The following INTS6 variants were observed in gnomAD, a reference collection of about 807,000 sequenced individuals.
INTS6 encodes integrator complex subunit 6.
INTS6 carries 16 observed loss-of-function variants against 104.9 expected under a neutral mutation model. The ratio of observed to expected loss-of-function variants is 0.15; its 90% CI spans 0.10 to 0.23. The LOEUF (loss-of-function observed/expected upper bound fraction) is 0.23, where lower values mean the gene tolerates loss of function less well. Ranked by LOEUF, INTS6 falls within the 10% of genes least tolerant of loss-of-function variation. INTS6 has a pLI of 1.00. For synonymous variants in INTS6, 324 were observed against 358.7 expected, an observed-to-expected ratio of 0.90 and a Z score of 1.09; for missense variants, 584 against 1,062.8, an observed-to-expected ratio of 0.55 and a Z score of 6.26.
At chr13:51,353,201 T>A (rs1454972935), downstream of INTS6, among the ~76,000 whole-genome samples, 3 of 152,108 alleles carry the variant, frequency 2.0e-5, no homozygotes, top group Non-Finnish European at 4.4e-5. Context: ...TTTACTGATG[T>A]TTTTAGTTTA....
At chr13:51,389,959 T>C (rs1288691721) in intron 5 of INTS6, among the ~76,000 whole-genome samples, 15 of 152,140 alleles carry the variant, frequency 9.9e-5, no homozygotes, top group Admixed American at 9.8e-4. Flanking sequence ...ATTTTAAATA[T>C]TTGCATTTTA....
chr13:51,414,731 T>A (rs1351902094), intron 4 of INTS6, among the ~76,000 whole-genome samples: 5 of 152,050 alleles, frequency 3.3e-5, no homozygotes, highest in Non-Finnish European at 7.4e-5. Flanking sequence ...GTCCTATTCA[T>A]AACATAACAG....
chr13:51,379,215 T>A (rs554568471), intron 11 of INTS6, among the ~76,000 whole-genome samples: 8 of 151,976 alleles, frequency 5.3e-5, no homozygotes, highest in African/African-American at 1.9e-4. Flanking sequence ...ATATAGCAAG[T>A]CTAGGACCAC....
rs564623333 is a variant in INTS6, at chr13:51,428,015, C to G, written c.429+2279G>C. On this transcript the variant is annotated intron_variant, in intron 4 of 17. Coordinates refer to ENST00000311234, the MANE Select transcript of INTS6 (RefSeq NM_012141.3). ...AAGATATTTTTAAGCTAGAAGAGGT[C>G]TCCACAAAACAAATTTTACAAACAA... 4.9e-4 allele frequency among the ~76,000 whole-genome samples: 75 copies of G among 152,272 alleles called. 2 individuals are homozygous for G. The South Asian group carries it at 7.9e-3, about 16-fold the overall frequency.
intron 17 of INTS6, among the ~76,000 whole-genome samples, chr13:51,366,304 T>C (rs985993824): frequency 4.6e-5 from 7 of 151,928 alleles, no homozygotes; most frequent in South Asian, 2.1e-4. Context: ...GAAATGAAAA[T>C]TGGTCAGCAG....
In INTS6 at chr13:51,362,536, C is replaced by A. The variant is rs1955602334; in HGVS notation, c.*3216G>T. ...ATTTCTCTTAATGTTCTTCCTCCCC[C>A]ACTCACAATTACTTAGCCTAGGAAG... On this transcript the variant is annotated 3_prime_UTR_variant, in exon 18 of 18. Transcript: ENST00000311234. 1.3e-5 allele frequency: 2 copies of A among 152,664 alleles called. No individual in the cohort carries two copies. The highest frequency in any genetic ancestry group is 1.9e-4 in the East Asian group (1 of 5,202). 9.5% of individuals were successfully genotyped at this position (152,664 alleles called of 1,614,324 possible).
intron 15 of INTS6, among the ~76,000 whole-genome samples, chr13:51,372,549 A>G (rs1253388030): frequency 6.6e-6 from 1 of 151,962 alleles, no homozygotes; most frequent in East Asian, 1.9e-4. Context: ...CTCTCATACT[A>G]CCCCTCTAGC....
intron 9 of INTS6, among the ~76,000 whole-genome samples, chr13:51,382,950 G>T (rs1410765516): frequency 6.6e-6 from 1 of 152,090 alleles, no homozygotes; most frequent in African/African-American, 2.4e-5. Flanking sequence ...GATGGTGTAT[G>T]CCTGTAGTCC....
chr13:51,423,345 T>A (rs1468623424), intron 4 of INTS6, among the ~76,000 whole-genome samples: 2 of 145,880 alleles, frequency 1.4e-5, no homozygotes, highest in Non-Finnish European at 1.6e-5. Flanking sequence ...TGTGTGTGCA[T>A]GTGTGTGTGT....
the INTS6 span, chr13:51,348,537 C>T: frequency 1.4e-6 from 1 of 712,076 alleles, no homozygotes; most frequent in African/African-American, 1.8e-5. Context: ...TAATATGTAT[C>T]CCCAGAAGTT....
chr13:51,358,605 T>C (rs78975468), downstream of INTS6, among the ~76,000 whole-genome samples: 750 of 152,254 alleles, frequency 4.9e-3, 6 homozygotes, highest in African/African-American at 0.017. Context: ...TGTCTATTAT[T>C]AATTCATCCA....
the INTS6 span, chr13:51,346,881 G>T: frequency 1.7e-3 from 1,086 of 626,920 alleles, 3 homozygotes; most frequent in African/African-American, 0.016. Context: ...AAAAGATATT[G>T]TAAGATGAAG....
At position 51,364,117 on chromosome 13, in the gene INTS6, A is replaced by T. The variant is rs182945369; in HGVS notation, c.*1635T>A. ...AATGTGACTACAGGCAATTACCTTA[A>T]CAATTCCATCTATTAAATGTTATCT... On this transcript the variant is annotated 3_prime_UTR_variant, in exon 18 of 18. Transcript: ENST00000311234. 1.9e-3 allele frequency: 855 copies of T among 455,882 alleles called. 6 individuals are homozygous for T. Among genetic ancestry groups the T allele is most frequent in the African/African-American group, 0.015 (760 of 49,314 alleles). 28.2% of individuals were successfully genotyped at this position (455,882 alleles called of 1,614,324 possible).
intron 7 of INTS6, chr13:51,385,011 T>C (rs1956116533): frequency 4.8e-6 from 1 of 206,346 alleles, no homozygotes; most frequent in Non-Finnish European, 9.8e-6. Flanking sequence ...GCCAATCACC[T>C]AAAAATAGGG....
At position 51,368,025 on chromosome 13, in the gene INTS6, CCACT is replaced by C. The variant is rs1005031614; in HGVS notation, c.2477-131_2477-128del. ...AAAAACATTCTACATAAAAATTTCA[CCACT>C]CATTAGAGATTTTATATTTTAACAT... On this transcript the variant is annotated intron_variant, in intron 16 of 17. Coordinates refer to ENST00000311234, the MANE Select transcript of INTS6 (RefSeq NM_012141.3). 26 of 516,218 alleles carry C rather than the reference CCACT, an allele frequency of 5.0e-5. No homozygotes were observed. The Admixed American group carries it at 1.1e-3, about 21-fold the overall frequency. 32.0% of individuals were successfully genotyped at this position (516,218 alleles called of 1,614,324 possible). A position where few individuals can be genotyped will look rare whatever the true frequency, so the allele number is the denominator to read the frequency against.
intron 9 of INTS6, among the ~76,000 whole-genome samples, chr13:51,382,829 C>T (rs1444968853): frequency 6.6e-6 from 1 of 152,226 alleles, no homozygotes; most frequent in East Asian, 1.9e-4. Context: ...GTAATCCCAG[C>T]ACTTTGGGAG....
chr13:51,401,099 C>T (rs1446115388), intron 4 of INTS6, among the ~76,000 whole-genome samples: 3 of 152,056 alleles, frequency 2.0e-5, no homozygotes, highest in Non-Finnish European at 4.4e-5. Context: ...CTATATGCCT[C>T]AACTGAACAA....
At position 51,391,147 on chromosome 13, in the gene INTS6, T is replaced by C. The variant is rs74353541; in HGVS notation, c.614-1703A>G. Among the ~76,000 whole-genome samples, 1,065 of 152,232 alleles carry C rather than the reference T, an allele frequency of 7.0e-3. 3 individuals carry two copies. The highest frequency in any genetic ancestry group is 0.011 in the Non-Finnish European group (754 of 67,958). On this transcript the variant is annotated intron_variant, in intron 5 of 17. Coordinates refer to ENST00000311234, the MANE Select transcript of INTS6 (RefSeq NM_012141.3). ...TTTTTTCTAAGTCAATTTAAGTATA[T>C]ACAAAAAGCAATCCATAAAAAGGCT...
chr13:51,421,610 G>A (rs1956897128), intron 4 of INTS6, among the ~76,000 whole-genome samples: 1 of 152,046 alleles, frequency 6.6e-6, no homozygotes. Context: ...AAATCACTAT[G>A]GAAATACAGC....
Sources: gnomAD v4.1 joint callset for allele counts (sites outside exome capture counted in the v4.1 genomes callset) on GRCh38, gnomAD v4.1.1 for gene constraint, MANE v1.5 for transcripts, NCBI Gene and HGNC (gene_info 2026-07-23, HGNC 2026-07-21) for gene names.